Variants in UVRAG observed in about 807,000 individuals in gnomAD.
UVRAG encodes UV radiation resistance associated.
UVRAG carries 19 observed loss-of-function variants against 78.0 expected under a neutral mutation model. The ratio of observed to expected loss-of-function variants is 0.24; its 90% CI spans 0.17 to 0.36. UVRAG has a LOEUF of 0.36. Ranked by LOEUF, UVRAG falls within the 10% of genes least tolerant of loss-of-function variation. The pLI is 1.00. For missense variants in UVRAG, 740 were observed against 853.8 expected (o/e 0.87, Z 1.66); for synonymous variants, 323 against 324.6 (o/e 1.00, Z 0.05).
chr11:76,136,276 A>C (rs1247343983), intron 14 of UVRAG, among the ~76,000 whole-genome samples: 1 of 152,176 alleles, frequency 6.6e-6, no homozygotes, highest in East Asian at 1.9e-4. Flanking sequence ...TTAAAAATCT[A>C]TGCATTATGT....
chr11:76,002,002 C>T (rs888219274), intron 8 of UVRAG, among the ~76,000 whole-genome samples: 2 of 152,128 alleles, frequency 1.3e-5, no homozygotes, highest in Non-Finnish European at 1.5e-5. Context: ...AGAAGCAGGA[C>T]GTATGCATGC....
intron 6 of UVRAG, among the ~76,000 whole-genome samples, chr11:75,944,572 A>G (rs1049561896): frequency 2.0e-5 from 3 of 152,150 alleles, no homozygotes; most frequent in Admixed American, 1.3e-4. Flanking sequence ...CATGCTGGAA[A>G]CTATGCAATA....
At chr11:76,075,090 A>G (rs1182252751) in intron 13 of UVRAG, among the ~76,000 whole-genome samples, 1 of 152,206 alleles carries the variant, frequency 6.6e-6, no homozygotes, top group Non-Finnish European at 1.5e-5. Context: ...TTTAACATAC[A>G]GCCAAATGTA....
At chr11:76,021,399 AT>A (rs1291448667) in intron 12 of UVRAG, among the ~76,000 whole-genome samples, 5 of 151,734 alleles carry the variant, frequency 3.3e-5, no homozygotes, top group African/African-American at 7.3e-5. Context: ...ATTTTACTGC[AT>A]TTTCTTTCTT....
At chr11:75,907,833 A>G (rs1052566527) in intron 5 of UVRAG, among the ~76,000 whole-genome samples, 1 of 151,982 alleles carries the variant, frequency 6.6e-6, no homozygotes, top group Non-Finnish European at 1.5e-5. Flanking sequence ...ATTTTCATGT[A>G]TCGAAATTCC....
intron 12 of UVRAG, among the ~76,000 whole-genome samples, chr11:76,045,400 A>C (rs1388960008): frequency 6.6e-6 from 1 of 152,212 alleles, no homozygotes; most frequent in African/African-American, 2.4e-5. Flanking sequence ...CCTTGCTTTT[A>C]AAAATGATTA....
At chr11:75,883,506 A>G (rs2134899945) in intron 4 of UVRAG, among the ~76,000 whole-genome samples, 1 of 152,352 alleles carries the variant, frequency 6.6e-6, no homozygotes, top group South Asian at 2.1e-4. Flanking sequence ...TAAAAATAAG[A>G]TTAAATAGAG....
chr11:76,094,231 T>C (rs886602471), intron 13 of UVRAG, among the ~76,000 whole-genome samples: 5 of 152,180 alleles, frequency 3.3e-5, no homozygotes, highest in Non-Finnish European at 7.3e-5. Flanking sequence ...GTGGATAAGC[T>C]TTTTGATGTG....
intron 3 of UVRAG, among the ~76,000 whole-genome samples, chr11:75,877,028 A>G (rs531284447): frequency 1.0e-3 from 156 of 150,998 alleles, no homozygotes; most frequent in African/African-American, 3.5e-3. Context: ...TGGGTACTTG[A>G]GATTAGGGAG....
intron 6 of UVRAG, among the ~76,000 whole-genome samples, chr11:75,927,008 G>C (rs752490200): frequency 6.6e-6 from 1 of 151,176 alleles, no homozygotes; most frequent in Non-Finnish European, 1.5e-5. Flanking sequence ...TGTTACCGCT[G>C]TTTTACTCAT....
intron 10 of UVRAG, among the ~76,000 whole-genome samples, chr11:76,008,030 C>T (rs1341269546): frequency 6.6e-6 from 1 of 152,072 alleles, no homozygotes; most frequent in Admixed American, 6.6e-5. Flanking sequence ...GCCTCAGCCT[C>T]CCGAGTAGCT....
At chr11:76,111,870 C>A in intron 13 of UVRAG, among the ~76,000 whole-genome samples, 1 of 138,706 alleles carries the variant, frequency 7.2e-6, no homozygotes, top group South Asian at 2.3e-4. Flanking sequence ...AACTAACGGC[C>A]AAAGATTACG....
At chr11:75,955,020 T>C (rs956213445) in intron 6 of UVRAG, among the ~76,000 whole-genome samples, 2 of 152,146 alleles carry the variant, frequency 1.3e-5, no homozygotes, top group Admixed American at 6.5e-5. Context: ...ATTATAAGGA[T>C]ATGTTTGGAG....
intron 3 of UVRAG, among the ~76,000 whole-genome samples, chr11:75,872,532 C>T (rs762133914): frequency 4.0e-5 from 6 of 151,776 alleles, no homozygotes; most frequent in South Asian, 2.1e-4. Context: ...GAGATACAGG[C>T]GCGCCCCACC....
intron 14 of UVRAG, among the ~76,000 whole-genome samples, chr11:76,126,853 G>A (rs898978714): frequency 1.3e-5 from 2 of 152,162 alleles, no homozygotes; most frequent in African/African-American, 4.8e-5. Flanking sequence ...TGGCTCCACA[G>A]TTGGACTGCA....
intron 5 of UVRAG, among the ~76,000 whole-genome samples, chr11:75,899,097 T>A (rs1590992202): frequency 6.6e-6 from 1 of 152,134 alleles, no homozygotes; most frequent in East Asian, 1.9e-4. Context: ...CATATTCTGT[T>A]TGGTTTTCCT....
intron 6 of UVRAG, among the ~76,000 whole-genome samples, chr11:75,938,838 G>A (rs1948429414): frequency 6.6e-6 from 1 of 152,150 alleles, no homozygotes. Context: ...GTGCAGTTCT[G>A]TCTTCTTCAG....
rs961055716 is a variant in UVRAG at position 76,128,001 on chromosome 11, C to T, written c.1397+11986C>T. On this transcript the variant is annotated intron_variant, in intron 14 of 14. Coordinates refer to ENST00000356136, the MANE Select transcript of UVRAG (RefSeq NM_003369.4). ...AATTGGGTTTTAGAAGATGGGCATACTTAAATGAATTGGAGAGGGAATTAG... is the reference window on the plus strand; with the variant it reads ...AATTGGGTTTTAGAAGATGGGCATATTTAAATGAATTGGAGAGGGAATTAG... 4.6e-5 allele frequency among the ~76,000 whole-genome samples: 7 copies of T among 152,078 alleles called. No individual in the cohort carries two copies. The East Asian group carries it at 7.7e-4, about 17-fold the overall frequency.
chr11:76,070,786 T>C (rs1284725440), intron 13 of UVRAG, among the ~76,000 whole-genome samples: 1 of 152,104 alleles, frequency 6.6e-6, no homozygotes, highest in African/African-American at 2.4e-5. Context: ...TATATAAGTA[T>C]CTACAAAAAG....
Sources: allele counts gnomAD v4.1 joint callset (sites outside exome capture counted in the v4.1 genomes callset), GRCh38; gene constraint gnomAD v4.1.1; transcripts MANE v1.5; gene names NCBI Gene and HGNC (gene_info 2026-07-23, HGNC 2026-07-21).